Variants in WWOX observed in about 807,000 individuals in gnomAD.
The protein encoded by WWOX is WW domain-containing oxidoreductase.
WWOX carries 69 observed loss-of-function variants against 46.2 expected under a neutral mutation model. The ratio of observed to expected loss-of-function variants is 1.49; its 90% CI spans 1.23 to 1.82. WWOX has a LOEUF of 1.82. WWOX is among the 40% of genes most tolerant of loss of function. The pLI is 0.00. For missense variants in WWOX, 919 were observed against 542.6 expected, an observed-to-expected ratio of 1.69 and a Z score of -6.89; for synonymous variants, 359 against 202.6, an observed-to-expected ratio of 1.77 and a Z score of -6.56.
At position 78,608,403 on chromosome 16, in the gene WWOX, A is replaced by T. The variant is rs539992225; in HGVS notation, c.1056+175651A>T. Among the ~76,000 whole-genome samples the T allele has an allele frequency of 1.2e-4, 19 of 152,342 alleles. No individual in the cohort carries two copies. The South Asian group carries it at 3.5e-3, about 28-fold the overall frequency. ...TTTGAATCCCCCAAATGCCTGTGCT[A>T]CATAACTGTCTCCTTACTCTGTGCT... On this transcript the variant is annotated intron_variant, in intron 8 of 8. Coordinates refer to ENST00000566780, the MANE Select transcript of WWOX (RefSeq NM_016373.4).
intron 8 of WWOX, among the ~76,000 whole-genome samples, chr16:79,199,228 A>G (rs2051299694): frequency 6.6e-6 from 1 of 152,030 alleles, no homozygotes; most frequent in African/African-American, 2.4e-5. Context: ...ACGCCTGGCT[A>G]ATTTTTGTAT....
At chr16:78,125,271 A>G (rs2033313581) in intron 4 of WWOX, among the ~76,000 whole-genome samples, 2 of 152,142 alleles carry the variant, frequency 1.3e-5, no homozygotes, top group Non-Finnish European at 2.9e-5. Context: ...CGTGCTTGAG[A>G]TCATACAGGT....
chr16:78,754,936 A>T (rs772849181), intron 8 of WWOX, among the ~76,000 whole-genome samples: 1 of 151,764 alleles, frequency 6.6e-6, no homozygotes, highest in African/African-American at 2.4e-5. Flanking sequence ...AGGGAAGAGA[A>T]TGCTGTCCAC....
chr16:78,788,700 C>A (rs1218411405), intron 8 of WWOX, among the ~76,000 whole-genome samples: 1 of 152,206 alleles, frequency 6.6e-6, no homozygotes, highest in Admixed American at 6.5e-5. Flanking sequence ...TGAGTTCTGT[C>A]ATCTGCTCCA....
At chr16:79,150,297 T>C (rs2050254189) in intron 8 of WWOX, among the ~76,000 whole-genome samples, 1 of 152,206 alleles carries the variant, frequency 6.6e-6, no homozygotes, top group Non-Finnish European at 1.5e-5. Flanking sequence ...TAATTCACAC[T>C]AAACAAGGGA....
At chr16:78,620,457 C>T (rs577028152) in intron 8 of WWOX, among the ~76,000 whole-genome samples, 4 of 152,138 alleles carry the variant, frequency 2.6e-5, no homozygotes, top group Admixed American at 6.5e-5. Context: ...GAAACTTGGT[C>T]CCTGGATGGG....
At chr16:78,708,550 A>G (rs535772010) in intron 8 of WWOX, among the ~76,000 whole-genome samples, 4 of 152,218 alleles carry the variant, frequency 2.6e-5, no homozygotes, top group African/African-American at 9.6e-5. Context: ...TATCATGACA[A>G]CTGCCCTGAA....
At chr16:78,632,755 T>C (rs2046464762) in intron 8 of WWOX, among the ~76,000 whole-genome samples, 1 of 151,476 alleles carries the variant, frequency 6.6e-6, no homozygotes, top group African/African-American at 2.4e-5. Flanking sequence ...TTGGGATTTC[T>C]CCATGTTGGT....
intron 8 of WWOX, among the ~76,000 whole-genome samples, chr16:78,562,426 C>T (rs937999155): frequency 6.6e-6 from 1 of 152,216 alleles, no homozygotes; most frequent in African/African-American, 2.4e-5. Context: ...TCTGTTCCCA[C>T]ATCCCCTGAT....
intron 5 of WWOX, among the ~76,000 whole-genome samples, chr16:78,188,007 T>C (rs1189592590): frequency 6.6e-6 from 1 of 152,220 alleles, no homozygotes; most frequent in African/African-American, 2.4e-5. Flanking sequence ...ACTTCATTCA[T>C]TGTAATTCCT....
At chr16:78,147,708 A>G (rs78389233) in intron 4 of WWOX, among the ~76,000 whole-genome samples, 2 of 134,916 alleles carry the variant, frequency 1.5e-5, no homozygotes, top group South Asian at 2.4e-4. Flanking sequence ...AAAAAAAAAA[A>G]GGTGCTTGAA....
chr16:78,750,747 T>A (rs2049457492), intron 8 of WWOX, among the ~76,000 whole-genome samples: 1 of 152,200 alleles, frequency 6.6e-6, no homozygotes, highest in Non-Finnish European at 1.5e-5. Flanking sequence ...ATGCGGTATT[T>A]GGTTTTCTGT....
chr16:78,138,132 G>A (rs1290881746), intron 4 of WWOX, among the ~76,000 whole-genome samples: 2 of 150,758 alleles, frequency 1.3e-5, no homozygotes, highest in African/African-American at 4.9e-5. Flanking sequence ...AGAGCTGATG[G>A]TAGGACTGTA....
intron 8 of WWOX, among the ~76,000 whole-genome samples, chr16:78,860,897 C>T (rs1417310691): frequency 6.6e-6 from 1 of 152,128 alleles, no homozygotes; most frequent in Non-Finnish European, 1.5e-5. Context: ...AGTGCAGTGG[C>T]CTCAACCTCC....
chr16:79,178,955 C>G (rs540031797), intron 8 of WWOX, among the ~76,000 whole-genome samples: 9 of 152,172 alleles, frequency 5.9e-5, no homozygotes, highest in Non-Finnish European at 1.3e-4. Flanking sequence ...GCAGGACCTT[C>G]TAGGGAAATG....
intron 8 of WWOX, among the ~76,000 whole-genome samples, chr16:78,716,995 C>G (rs914414527): frequency 7.2e-5 from 11 of 152,158 alleles, no homozygotes; most frequent in African/African-American, 2.7e-4. Flanking sequence ...TAAAATTAGG[C>G]TAATAACACC....
intron 8 of WWOX, among the ~76,000 whole-genome samples, chr16:78,983,240 A>G (rs1175680063): frequency 6.6e-6 from 1 of 152,200 alleles, no homozygotes; most frequent in Admixed American, 6.5e-5. Context: ...TTATCCTGAA[A>G]TGAATGGGAA....
chr16:79,121,272 A>C (rs148067915), intron 8 of WWOX, among the ~76,000 whole-genome samples: 65 of 152,318 alleles, frequency 4.3e-4, no homozygotes, highest in African/African-American at 1.6e-3. Context: ...ACTGAGGTGC[A>C]TTGCTAATTA....
chr16:78,621,011 G>C (rs556392786), intron 8 of WWOX, among the ~76,000 whole-genome samples: 1 of 152,176 alleles, frequency 6.6e-6, no homozygotes, highest in Non-Finnish European at 1.5e-5. Context: ...CCAACTCAAA[G>C]GCTGTTGAAA....
Sources: allele counts gnomAD v4.1 joint callset (sites outside exome capture counted in the v4.1 genomes callset), GRCh38; gene constraint gnomAD v4.1.1; transcripts MANE v1.5; gene names NCBI Gene and HGNC (gene_info 2026-07-23, HGNC 2026-07-21).